Variants in ELSPBP1 observed in about 807,000 individuals in gnomAD.
ELSPBP1 encodes epididymal sperm-binding protein 1.
Under a neutral mutation model 33.3 loss-of-function variants are expected in ELSPBP1, and 38 were observed. That is an observed-to-expected ratio of 1.14 (90% CI 0.88 to 1.50). ELSPBP1 has a LOEUF of 1.50. Ranked by LOEUF, ELSPBP1 falls within the 40% of genes most tolerant of loss-of-function variation. The pLI, the probability that ELSPBP1 is intolerant of heterozygous loss-of-function variation, is 0.00. For synonymous variants in ELSPBP1, 85 were observed against 94.1 expected (o/e 0.90, Z 0.56); for missense variants, 267 against 263.5 (o/e 1.01, Z -0.09).
intron 1 of ELSPBP1, among the ~76,000 whole-genome samples, chr19:47,997,207 C>G (rs1966919830): frequency 6.6e-6 from 1 of 152,192 alleles, no homozygotes; most frequent in Non-Finnish European, 1.5e-5. Flanking sequence ...TTTGGTAAGT[C>G]AATAACTACC....
intron 1 of ELSPBP1, among the ~76,000 whole-genome samples, chr19:48,003,944 C>T (rs191588773): frequency 9.6e-6 from 1 of 104,496 alleles, no homozygotes; most frequent in African/African-American, 3.6e-5. Flanking sequence ...CTATTCTATT[C>T]TATTCTATTC....
At chr19:48,006,256 A>G (rs1796798250) in intron 1 of ELSPBP1, among the ~76,000 whole-genome samples, 2 of 152,142 alleles carry the variant, frequency 1.3e-5, no homozygotes, top group Admixed American at 6.5e-5. Context: ...GTTAATCATC[A>G]TAACAAGGCT....
At chr19:47,999,038 C>T (rs1249331745) in intron 1 of ELSPBP1, among the ~76,000 whole-genome samples, 1 of 152,138 alleles carries the variant, frequency 6.6e-6, no homozygotes, top group Non-Finnish European at 1.5e-5. Context: ...CAGCTTTGCC[C>T]TCACTGATCC....
intron 1 of ELSPBP1, among the ~76,000 whole-genome samples, chr19:47,996,091 G>T (rs1461264230): frequency 1.3e-5 from 2 of 152,112 alleles, no homozygotes; most frequent in African/African-American, 4.8e-5. Flanking sequence ...GTTCCTCTTG[G>T]TACCCACCAC....
In ELSPBP1 at chr19:48,015,889, A is replaced by G; in HGVS notation, c.209-4A>G. On this transcript the variant is annotated splice_polypyrimidine_tract_variant and splice_region_variant and intron_variant, in intron 3 of 6. Transcript: ENST00000339841. ...AAGACACTCACGAACTCTGTTCCTA[A>G]CAGATTACCCACGCTGTATCTTCCC... 5.6e-6 allele frequency: 9 copies of G among 1,605,250 alleles called. No individual in the cohort carries two copies. Among genetic ancestry groups the G allele is most frequent in the South Asian group, 1.1e-5 (1 of 90,684 alleles).
In ELSPBP1 at chr19:48,007,349, A is replaced by G. The variant is rs1967032294; in HGVS notation, c.-17-1302A>G. Among the ~76,000 whole-genome samples, 4 of 152,290 alleles carry G rather than the reference A, an allele frequency of 2.6e-5. No individual in the cohort carries two copies. The South Asian group carries it at 8.3e-4, about 32-fold the overall frequency. On this transcript the variant is annotated intron_variant, in intron 1 of 6. Transcript: ENST00000339841. ...ACCAGCTGTGGTCCTTTGGTAAGTT[A>G]CTTAACCTCCCAAGCCTCAGTTTCC...
intron 1 of ELSPBP1, among the ~76,000 whole-genome samples, chr19:48,002,559 G>C (rs1966978096): frequency 6.6e-6 from 1 of 152,214 alleles, no homozygotes; most frequent in African/African-American, 2.4e-5. Context: ...GGGAGGCCCA[G>C]GTAAGCAGAT....
chr19:48,000,970 G>C (rs1449128550), intron 1 of ELSPBP1, among the ~76,000 whole-genome samples: 1 of 152,164 alleles, frequency 6.6e-6, no homozygotes. Flanking sequence ...TTACAGTTCT[G>C]TGAGTCAGTC....
chr19:48,022,030 G>T (rs188113432), intron 5 of ELSPBP1, 140 bp from the exon 6 acceptor site: 10 of 720,642 alleles, frequency 1.4e-5, no homozygotes, highest in African/African-American at 8.9e-5. Flanking sequence ...TTAAATGCGC[G>T]CGATTAAATG....
chr19:48,008,326 G>C (rs1967042820), intron 1 of ELSPBP1, among the ~76,000 whole-genome samples: 1 of 152,130 alleles, frequency 6.6e-6, no homozygotes, highest in Admixed American at 6.5e-5. Flanking sequence ...TTGACCTCCT[G>C]GGCTCAAGTG....
intron 4 of ELSPBP1, among the ~76,000 whole-genome samples, chr19:48,016,527 TCTTCCTTCCTTCCTTCCTTC>T (rs1292111942): frequency 6.9e-4 from 35 of 50,548 alleles, no homozygotes; most frequent in African/African-American, 2.2e-3. Context: ...TTTCTTTCTT[TCTTCCTTCCTTCCTTCCTTC>T]CTTCCTTCCT....
intron 1 of ELSPBP1, among the ~76,000 whole-genome samples, chr19:47,999,156 G>C (rs886155081): frequency 2.6e-5 from 4 of 152,190 alleles, no homozygotes; most frequent in African/African-American, 9.7e-5. Context: ...GGAGACATCT[G>C]TCAGGCATGA....
rs561725861 is a variant in ELSPBP1 at position 48,003,644 on chromosome 19, C to G, written c.-17-5007C>G. On this transcript the variant is annotated intron_variant, in intron 1 of 6. Transcript: ENST00000339841. The stretch of plus-strand genomic sequence containing the variant: ...CTCCGCCTCCTGGGTTCAAGTGATT[C>G]TCCTTCCTCAGCCTCCTGAGTAGCT... 4.2e-5 allele frequency among the ~76,000 whole-genome samples: 6 copies of G among 143,338 alleles called. No individual in the cohort carries two copies. In the East Asian group the frequency reaches 1.3e-3, roughly 32 times the overall value. 94.0% of individuals were successfully genotyped at this position (143,338 alleles called of 152,430 possible).
chr19:48,009,316 A>G (rs1406547837), intron 2 of ELSPBP1, among the ~76,000 whole-genome samples: 1 of 152,174 alleles, frequency 6.6e-6, no homozygotes, highest in Non-Finnish European at 1.5e-5. Context: ...AATAATGGGC[A>G]CCAGCATCTT....
At position 48,019,615 on chromosome 19, in the gene ELSPBP1, C is replaced by T. The variant is rs550986342; in HGVS notation, c.356-104C>T. The T allele has an allele frequency of 8.1e-6, 9 of 1,107,240 alleles. No individual in the cohort carries two copies. In the East Asian group the frequency reaches 9.7e-5, roughly 12 times the overall value. The allele number at this position is 1,107,240 out of a possible 1,614,324, so 68.6% of individuals were successfully genotyped here. On this transcript the variant is annotated intron_variant, in intron 4 of 6. Coordinates refer to ENST00000339841, the MANE Select transcript of ELSPBP1 (RefSeq NM_022142.5). Reference sequence around the variant, plus strand: ...AAGTTGCTTGGAGAATCCAATGTGACGTTGCCTTTAATGGGATAAAGCGTG... The same window carrying T: ...AAGTTGCTTGGAGAATCCAATGTGATGTTGCCTTTAATGGGATAAAGCGTG...
chr19:48,019,009 C>T (rs1467142231), intron 4 of ELSPBP1, among the ~76,000 whole-genome samples: 1 of 152,002 alleles, frequency 6.6e-6, no homozygotes, highest in Admixed American at 6.6e-5. Flanking sequence ...GAAAAATTAG[C>T]GACGCATGGT....
At chr19:47,997,913 C>A (rs28654141) in intron 1 of ELSPBP1, among the ~76,000 whole-genome samples, 45,110 of 151,970 alleles carry the variant, frequency 0.3, 6,973 homozygotes, top group African/African-American at 0.36. Flanking sequence ...TCCTATTTAC[C>A]CCTGGTTCCC....
Position 48,016,044 on chromosome 19 carries a change from G to A in ELSPBP1, c.355+5G>A, listed in dbSNP as rs776530412. ...GGAAATTCTGTGAAACGAATGGTGA[G>A]CCCCTGTAGCAGGGATGGGATGTGT... is the stretch of plus-strand genomic sequence containing the variant. On this transcript the variant is annotated splice_donor_5th_base_variant and intron_variant, in intron 4 of 6. Transcript: ENST00000339841. The A allele has an allele frequency of 1.2e-6, 2 of 1,612,686 alleles. No individual in the cohort carries two copies. Among genetic ancestry groups the A allele is most frequent in the Non-Finnish European group, 1.7e-6 (2 of 1,179,654 alleles).
intron 1 of ELSPBP1, among the ~76,000 whole-genome samples, chr19:48,001,443 G>A (rs1460180626): frequency 6.6e-6 from 1 of 151,818 alleles, no homozygotes; most frequent in Non-Finnish European, 1.5e-5. Context: ...ACCCGCCTCG[G>A]CATCCCACCA....
Sources: gnomAD v4.1 joint callset for allele counts (sites outside exome capture counted in the v4.1 genomes callset) on GRCh38, gnomAD v4.1.1 for gene constraint, MANE v1.5 for transcripts, NCBI Gene and HGNC (gene_info 2026-07-23, HGNC 2026-07-21) for gene names.